SHANK2: variants seen among roughly 807,000 people sequenced by gnomAD.
The protein encoded by SHANK2 is SH3 and multiple ankyrin repeat domains 2.
Under a neutral mutation model 133.7 loss-of-function variants are expected in SHANK2, and 43 were observed. The ratio of observed to expected loss-of-function variants is 0.32; its 90% CI spans 0.25 to 0.41. SHANK2 has a LOEUF of 0.41. SHANK2 is among the 10% of genes least tolerant of loss of function. The pLI is 1.00. For synonymous variants in SHANK2, 1,017 were observed against 952.8 expected, an observed-to-expected ratio of 1.07 and a Z score of -1.24; for missense variants, 1,994 against 2,235.8, an observed-to-expected ratio of 0.89 and a Z score of 2.18.
intron 2 of SHANK2, among the ~76,000 whole-genome samples, chr11:71,196,691 C>T (rs1002137153): frequency 2.0e-5 from 3 of 151,930 alleles, no homozygotes; most frequent in Non-Finnish European, 2.9e-5. Context: ...TGCCCTCCCC[C>T]GCATGGCTCA....
At chr11:71,167,317 G>C (rs531197415) in intron 2 of SHANK2, among the ~76,000 whole-genome samples, 1 of 152,076 alleles carries the variant, frequency 6.6e-6, no homozygotes, top group Non-Finnish European at 1.5e-5. Flanking sequence ...CCTCCCAGAC[G>C]GGGTGGTGGC....
intron 2 of SHANK2, among the ~76,000 whole-genome samples, chr11:71,220,217 AGAGT>A (rs1358279959): frequency 6.6e-6 from 1 of 152,216 alleles, no homozygotes; most frequent in Admixed American, 6.5e-5. Context: ...CCTGGGTGAC[AGAGT>A]GAGACCCAGT....
At position 70,569,913 on chromosome 11, in the gene SHANK2, C is replaced by A. The variant is rs532961330; in HGVS notation, c.2062-66982G>T. Among the ~76,000 whole-genome samples, 1 of 151,244 alleles carries A rather than the reference C, an allele frequency of 6.6e-6. No homozygotes were observed. The highest frequency in any genetic ancestry group is 2.2e-4 in the South Asian group (1 of 4,638). On this transcript the variant is annotated intron_variant, in intron 17 of 25. Coordinates refer to ENST00000601538, the MANE Select transcript of SHANK2 (RefSeq NM_012309.5). This position sits in a 1 kb window ranked among gnomAD's most constrained non-coding sequence, Gnocchi z 5.1. The stretch of plus-strand genomic sequence containing the variant: ...GACGGTACAGAGCAAGACAGAGACA[C>A]TCACCGAGACAGAGACACAGAGACA...
intron 10 of SHANK2, among the ~76,000 whole-genome samples, chr11:70,922,898 TAAACAAAC>T (rs201296550): frequency 3.1e-4 from 47 of 151,734 alleles, no homozygotes; most frequent in East Asian, 9.7e-4. Context: ...CCCTATACTT[TAAACAAAC>T]AAACAAACAA....
chr11:70,776,010 C>A (rs1205328581), intron 14 of SHANK2, among the ~76,000 whole-genome samples: 2 of 152,228 alleles, frequency 1.3e-5, no homozygotes, highest in African/African-American at 2.4e-5. Flanking sequence ...GGCCTTTGGC[C>A]TCCATCTTTG....
chr11:70,528,438 C>T (rs1331309227), intron 17 of SHANK2, among the ~76,000 whole-genome samples: 3 of 152,182 alleles, frequency 2.0e-5, no homozygotes, highest in East Asian at 1.9e-4. Flanking sequence ...CACAAGAACA[C>T]CCCAGTTCAT....
intron 11 of SHANK2, among the ~76,000 whole-genome samples, chr11:70,829,340 C>T (rs973260234): frequency 1.3e-5 from 2 of 152,284 alleles, no homozygotes; most frequent in East Asian, 1.9e-4. Context: ...CCGTCCGGTG[C>T]GTGTGCAGCA....
At chr11:70,490,823 G>A (rs1236822012) in intron 22 of SHANK2, among the ~76,000 whole-genome samples, 1 of 152,172 alleles carries the variant, frequency 6.6e-6, no homozygotes, top group African/African-American at 2.4e-5. Flanking sequence ...CCTTACATAG[G>A]AGCCACCATC....
At chr11:70,795,691 T>G (rs1947895436) in intron 14 of SHANK2, among the ~76,000 whole-genome samples, 1 of 152,012 alleles carries the variant, frequency 6.6e-6, no homozygotes, top group Non-Finnish European at 1.5e-5. Context: ...CAGGTGTGAG[T>G]CACTGCACCT....
At chr11:71,081,990 C>T (rs1263764780) in intron 8 of SHANK2, among the ~76,000 whole-genome samples, 5 of 152,316 alleles carry the variant, frequency 3.3e-5, no homozygotes, top group East Asian at 3.9e-4. Context: ...CCAGCACCCA[C>T]GTCCCACAGT....
chr11:71,072,444 C>G (rs926371041), intron 9 of SHANK2, among the ~76,000 whole-genome samples: 1 of 152,228 alleles, frequency 6.6e-6, no homozygotes, highest in Non-Finnish European at 1.5e-5. Flanking sequence ...TTCCTAGATA[C>G]ATTCACGTCC....
intron 11 of SHANK2, among the ~76,000 whole-genome samples, chr11:70,821,264 G>A (rs1311994620): frequency 6.6e-6 from 1 of 152,178 alleles, no homozygotes; most frequent in Non-Finnish European, 1.5e-5. Context: ...GAGGCGATGA[G>A]GACACAGACA....
At chr11:70,546,200 A>G (rs1201667930) in intron 17 of SHANK2, among the ~76,000 whole-genome samples, 3 of 149,974 alleles carry the variant, frequency 2.0e-5, no homozygotes, top group Non-Finnish European at 4.4e-5. Flanking sequence ...CGGCCTCCCA[A>G]AGTGCTGGAA....
intron 14 of SHANK2, among the ~76,000 whole-genome samples, chr11:70,756,830 C>A (rs576911872): frequency 1.7e-3 from 254 of 152,318 alleles, no homozygotes; most frequent in Non-Finnish European, 3.2e-3. Context: ...TCTAAGCTCA[C>A]CTTTACACAG....
chr11:70,600,934 G>C (rs2060486936), intron 17 of SHANK2, among the ~76,000 whole-genome samples: 1 of 152,138 alleles, frequency 6.6e-6, no homozygotes, highest in South Asian at 2.1e-4. Flanking sequence ...CTGAAGGAAA[G>C]TTTGATAAAT....
chr11:71,118,047 G>A (rs1555100701), intron 4 of SHANK2, among the ~76,000 whole-genome samples: 1 of 152,120 alleles, frequency 6.6e-6, no homozygotes, highest in Non-Finnish European at 1.5e-5. Flanking sequence ...TGGAGAGGTG[G>A]AGAAGGAAAA....
rs1202659351 is a variant in SHANK2 at position 71,147,183 on chromosome 11, C to T, written c.144G>A (p.Arg48=). The T allele has an allele frequency of 6.4e-7, 1 of 1,550,602 alleles. No homozygotes were observed. The highest frequency in any genetic ancestry group is 8.7e-7 in the Non-Finnish European group (1 of 1,146,962). Residue 48 remains arginine (R), a synonymous_variant, in exon 3 of 26, where the codon AGG becomes AGA. Transcript: ENST00000601538. ...RATAEKPGGA[R]TEESQGNTLV... ...GCGTGTTGCCCTGGCTCTCCTCCGT[C>T]CTGGCACCGCCCGGCTTCTCCGCAG...
At chr11:70,884,527 T>C (rs1367244287) in intron 11 of SHANK2, among the ~76,000 whole-genome samples, 2 of 152,202 alleles carry the variant, frequency 1.3e-5, no homozygotes, top group Admixed American at 1.3e-4. Flanking sequence ...ACCCGACCCA[T>C]GGCTGAGCAT....
At chr11:71,091,308 C>T (rs529707191) in intron 8 of SHANK2, among the ~76,000 whole-genome samples, 12 of 152,214 alleles carry the variant, frequency 7.9e-5, no homozygotes, top group African/African-American at 2.6e-4. Flanking sequence ...GCTGCAGGGC[C>T]GACGATGAAC....
Sources: allele counts gnomAD v4.1 joint callset (sites outside exome capture counted in the v4.1 genomes callset), GRCh38; gene constraint gnomAD v4.1.1; non-coding constraint Gnocchi (gnomAD v3.1); transcripts MANE v1.5; gene names NCBI Gene and HGNC (gene_info 2026-07-23, HGNC 2026-07-21).